The following CSMD1 variants were observed in gnomAD, a reference collection of about 807,000 sequenced individuals.
The protein encoded by CSMD1 is CUB and Sushi multiple domains 1.
In CSMD1, 213 loss-of-function variants were observed where a neutral mutation model predicts 417.5. The observed-to-expected ratio is 0.51, with a 90% CI of 0.46 to 0.57. CSMD1 has a LOEUF of 0.57. CSMD1 is among the 20% of genes least tolerant of loss of function. The pLI is 0.00. For synonymous variants in CSMD1, 2,862 were observed against 1,736.8 expected, an observed-to-expected ratio of 1.65 and a Z score of -16.11; for missense variants, 6,923 against 4,529.7, an observed-to-expected ratio of 1.53 and a Z score of -15.17.
At chr8:4,004,782 T>C (rs960357178) in intron 4 of CSMD1, among the ~76,000 whole-genome samples, 6 of 152,178 alleles carry the variant, frequency 3.9e-5, no homozygotes, top group Non-Finnish European at 8.8e-5. Context: ...TCTCACTCTG[T>C]TGCCCAGGCT....
At chr8:2,952,631 C>G (rs182179062) in intron 65 of CSMD1, among the ~76,000 whole-genome samples, 2 of 152,262 alleles carry the variant, frequency 1.3e-5, no homozygotes. Flanking sequence ...AATCAGCAAC[C>G]TCAAAATAAC....
chr8:3,461,361 A>G (rs1379511577), intron 12 of CSMD1, among the ~76,000 whole-genome samples: 1 of 152,138 alleles, frequency 6.6e-6, no homozygotes, highest in African/African-American at 2.4e-5. Context: ...GCTGGGAAGG[A>G]TGTGCTGCTG....
intron 1 of CSMD1, among the ~76,000 whole-genome samples, chr8:4,744,860 G>A (rs890285819): frequency 6.6e-6 from 1 of 152,210 alleles, no homozygotes; most frequent in African/African-American, 2.4e-5. Context: ...AGTAGTCTCA[G>A]ACATTAAAGT....
intron 3 of CSMD1, among the ~76,000 whole-genome samples, chr8:4,108,114 G>A (rs1585328775): frequency 6.6e-6 from 1 of 151,918 alleles, no homozygotes; most frequent in South Asian, 2.1e-4. Context: ...AGACGGAGGA[G>A]GAGGAGGAGG....
chr8:4,712,385 A>G (rs969999448), intron 1 of CSMD1, among the ~76,000 whole-genome samples: 5 of 152,180 alleles, frequency 3.3e-5, no homozygotes, highest in African/African-American at 9.6e-5. Flanking sequence ...AGAACTGTCT[A>G]ATAATCTGTA....
chr8:4,793,294 C>G (rs1797793776), intron 1 of CSMD1, among the ~76,000 whole-genome samples: 3 of 152,116 alleles, frequency 2.0e-5, no homozygotes, highest in Non-Finnish European at 4.4e-5. Context: ...AAAATAGAAC[C>G]TATTCTCTCA....
rs770114728 is a variant in CSMD1, at chr8:4,032,035, T to C, written c.480A>G (p.Arg160=). The C allele has an allele frequency of 1.2e-6, 2 of 1,613,972 alleles. No individual in the cohort carries two copies. Among genetic ancestry groups the C allele is most frequent in the Non-Finnish European group, 1.7e-6 (2 of 1,179,870 alleles). Reference sequence around the variant, plus strand: ...ACCGGATTTTGTCTCCTATGTTGAATCTCGTTCCATGCAGAACTCCTTTCA... The same window carrying C: ...ACCGGATTTTGTCTCCTATGTTGAACCTCGTTCCATGCAGAACTCCTTTCA... The part of the protein sequence containing the change: ...EILKGVLHGT[R]FNIGDKIRYS... Residue 160 remains arginine (R), a synonymous_variant, in exon 4 of 70, where the codon AGA becomes AGG. Transcript: ENST00000635120.
rs796258073 is a variant in CSMD1, at chr8:3,796,388, C to T, written c.819-42346G>A. Among the ~76,000 whole-genome samples the T allele has an allele frequency of 4.7e-5, 2 of 42,840 alleles. 1 individual carries two copies. The highest frequency in any genetic ancestry group is 1.2e-4 in the Non-Finnish European group (2 of 16,986). The allele number at this position is 42,840 out of a possible 152,430, so 28.1% of individuals were successfully genotyped here. A position where few individuals can be genotyped will look rare whatever the true frequency, so the allele number is the denominator to read the frequency against. ...AGATATCTATCATGTATATATATAT[C>T]TATCATGTATAGATATAGATATATA... On this transcript the variant is annotated intron_variant, in intron 5 of 69. Coordinates refer to ENST00000635120, the MANE Select transcript of CSMD1 (RefSeq NM_033225.6).
chr8:3,258,160 C>A (rs976206832), intron 26 of CSMD1, among the ~76,000 whole-genome samples: 2 of 152,074 alleles, frequency 1.3e-5, no homozygotes, highest in African/African-American at 4.8e-5. Flanking sequence ...GGTAAACAGA[C>A]AACCTAAAGA....
At chr8:3,327,444 C>CT (rs1365802373) in intron 23 of CSMD1, among the ~76,000 whole-genome samples, 4 of 152,146 alleles carry the variant, frequency 2.6e-5, no homozygotes, top group African/African-American at 9.7e-5. Flanking sequence ...ACAATACTAT[C>CT]TTTTTTATAG....
At chr8:3,599,999 G>A (rs977079385) in intron 8 of CSMD1, among the ~76,000 whole-genome samples, 1 of 152,174 alleles carries the variant, frequency 6.6e-6, no homozygotes, top group African/African-American at 2.4e-5. Flanking sequence ...ATCATTGTGA[G>A]GGCAGGGAAA....
At chr8:4,894,466 T>A (rs1804341893) in intron 1 of CSMD1, among the ~76,000 whole-genome samples, 1 of 151,250 alleles carries the variant, frequency 6.6e-6, no homozygotes, top group Non-Finnish European at 1.5e-5. Context: ...GGCAGGAGAA[T>A]CACTTGAACC....
At chr8:4,321,167 C>T (rs1475195958) in intron 3 of CSMD1, among the ~76,000 whole-genome samples, 3 of 151,914 alleles carry the variant, frequency 2.0e-5, no homozygotes, top group African/African-American at 4.8e-5. Flanking sequence ...CCTGTCACCT[C>T]GCACAGTGAT....
intron 5 of CSMD1, chr8:3,950,040 G>A (rs1361916795): frequency 2.2e-6 from 1 of 455,604 alleles, no homozygotes; most frequent in Admixed American, 2.4e-5. Flanking sequence ...CGTATTTGCT[G>A]TCACGCTACA....
chr8:4,955,788 G>A (rs577996295), intron 1 of CSMD1, among the ~76,000 whole-genome samples: 148 of 45,952 alleles, frequency 3.2e-3, no homozygotes, highest in African/African-American at 7.9e-3. Flanking sequence ...AGGTGGTGGC[G>A]TAACAGTACC....
intron 10 of CSMD1, among the ~76,000 whole-genome samples, chr8:3,497,990 T>C (rs1328526256): frequency 6.6e-6 from 1 of 152,216 alleles, no homozygotes; most frequent in East Asian, 1.9e-4. Flanking sequence ...ATTCCAGTAG[T>C]GATAAATTTT....
At chr8:4,873,792 G>T (rs552028198) in intron 1 of CSMD1, among the ~76,000 whole-genome samples, 2 of 152,056 alleles carry the variant, frequency 1.3e-5, no homozygotes, top group African/African-American at 4.8e-5. Flanking sequence ...GTTTGAAGCT[G>T]GAATCAACAT....
At chr8:3,288,924 C>G (rs951650490) in intron 25 of CSMD1, among the ~76,000 whole-genome samples, 3 of 146,868 alleles carry the variant, frequency 2.0e-5, no homozygotes, top group Non-Finnish European at 4.4e-5. Context: ...GTGCTACACC[C>G]ATTAACTCAT....
intron 3 of CSMD1, among the ~76,000 whole-genome samples, chr8:4,224,798 G>A (rs1049730145): frequency 6.6e-5 from 10 of 152,184 alleles, no homozygotes; most frequent in African/African-American, 2.2e-4. Context: ...TAAAATGTGT[G>A]TTCATAATAT....
Sources: allele counts gnomAD v4.1 joint callset (sites outside exome capture counted in the v4.1 genomes callset), GRCh38; gene constraint gnomAD v4.1.1; transcripts MANE v1.5; gene names NCBI Gene and HGNC (gene_info 2026-07-23, HGNC 2026-07-21).